The following EPM2A variants were observed in gnomAD, a reference collection of about 807,000 sequenced individuals.
EPM2A encodes the protein laforin.
Under a neutral mutation model 26.5 loss-of-function variants are expected in EPM2A, and 21 were observed. The observed-to-expected ratio is 0.79, with a 90% CI of 0.56 to 1.14. The LOEUF (loss-of-function observed/expected upper bound fraction) is 1.14, where lower values mean the gene tolerates loss of function less well. Among genes scored for constraint, EPM2A ranks in the 50% most tolerant of loss-of-function variants. The probability of loss-of-function intolerance (pLI) is 0.00; values close to 1 mark genes in which losing one functional copy is unlikely to be tolerated. For synonymous variants in EPM2A, 217 were observed against 177.6 expected (o/e 1.22, Z -1.76); for missense variants, 458 against 440.8 (o/e 1.04, Z -0.35).
chr6:145,633,838 T>C (rs1461559852), intron 3 of EPM2A: 1 of 152,208 alleles, frequency 6.6e-6, no homozygotes, highest in Non-Finnish European at 1.5e-5. Flanking sequence ...AGAAGCTTCA[T>C]AGCTGGTAAA....
At chr6:145,548,297 T>C (rs1780611662) in intron 2 of EPM2A, among the ~76,000 whole-genome samples, 1 of 152,130 alleles carries the variant, frequency 6.6e-6, no homozygotes, top group African/African-American at 2.4e-5. Context: ...TAGAGACTCA[T>C]GAGAAAATGT....
chr6:145,521,521 T>C (rs1032707845), intron 2 of EPM2A, among the ~76,000 whole-genome samples: 2 of 152,322 alleles, frequency 1.3e-5, no homozygotes, highest in African/African-American at 4.8e-5. Context: ...AGGTGAAGGA[T>C]TGAACTTAAC....
chr6:145,418,381 C>G (rs545221466), intron 4 of EPM2A, among the ~76,000 whole-genome samples: 5 of 152,168 alleles, frequency 3.3e-5, no homozygotes, highest in Non-Finnish European at 7.4e-5. Context: ...TGCTTCATCC[C>G]AACTGCTGGG....
At chr6:145,458,644 G>A (rs1299539446) in intron 4 of EPM2A, among the ~76,000 whole-genome samples, 1 of 151,896 alleles carries the variant, frequency 6.6e-6, no homozygotes, top group Admixed American at 6.6e-5. Flanking sequence ...TAGGAAATGG[G>A]AGTCATCTAA....
intron 2 of EPM2A, among the ~76,000 whole-genome samples, chr6:145,650,854 T>C (rs1048036942): frequency 2.6e-5 from 4 of 152,184 alleles, no homozygotes; most frequent in Admixed American, 6.5e-5. Flanking sequence ...AACCAGAATT[T>C]CTTAGGCACT....
intron 2 of EPM2A, among the ~76,000 whole-genome samples, chr6:145,551,661 A>G (rs997950588): frequency 2.6e-5 from 4 of 152,028 alleles, no homozygotes; most frequent in Admixed American, 1.3e-4. Flanking sequence ...GTCACTCAGA[A>G]GAGACTGGCA....
intron 2 of EPM2A, among the ~76,000 whole-genome samples, chr6:145,565,338 T>C (rs1261458967): frequency 6.6e-6 from 1 of 152,252 alleles, no homozygotes; most frequent in Admixed American, 6.5e-5. Flanking sequence ...CAGGCGCAAA[T>C]GAGAGGTTAC....
chr6:145,692,724 T>G (rs1214875773), intron 1 of EPM2A, among the ~76,000 whole-genome samples: 1 of 152,048 alleles, frequency 6.6e-6, no homozygotes, highest in African/African-American at 2.4e-5. Context: ...CAGATGGTTT[T>G]AGGTGTCTGG....
chr6:145,693,889 T>C (rs934952962), intron 1 of EPM2A, among the ~76,000 whole-genome samples: 6 of 151,894 alleles, frequency 4.0e-5, no homozygotes, highest in Non-Finnish European at 5.9e-5. Flanking sequence ...ACGAAGTGAG[T>C]AAATGTGTAG....
chr6:145,626,312 T>C lies in EPM2A; in HGVS notation c.*1104A>G. 4 of 986,300 alleles carry C rather than the reference T, an allele frequency of 4.1e-6. No homozygotes were observed. Among genetic ancestry groups the C allele is most frequent in the Non-Finnish European group, 4.8e-6 (4 of 830,314 alleles). The allele number at this position is 986,300 out of a possible 1,614,324, so 61.1% of individuals were successfully genotyped here. A position where few individuals can be genotyped will look rare whatever the true frequency, so the allele number is the denominator to read the frequency against. On this transcript the variant is annotated 3_prime_UTR_variant, in exon 4 of 4. Coordinates refer to ENST00000367519, the MANE Select transcript of EPM2A (RefSeq NM_005670.4). ...GAGGCACAGGAACTGCATATTATAC[T>C]AAATTGAGAGCTGAGCCAGGATGGC...
At chr6:145,525,589 C>G (rs752724215) in intron 2 of EPM2A, among the ~76,000 whole-genome samples, 1 of 151,974 alleles carries the variant, frequency 6.6e-6, no homozygotes, top group Non-Finnish European at 1.5e-5. Context: ...TGATTTGGCT[C>G]TCATCTTAAA....
intron 4 of EPM2A, among the ~76,000 whole-genome samples, chr6:145,471,208 G>A (rs532255926): frequency 6.6e-6 from 1 of 152,254 alleles, no homozygotes; most frequent in Admixed American, 6.5e-5. Context: ...TCTATTGATT[G>A]ATCAATATAT....
intron 2 of EPM2A, among the ~76,000 whole-genome samples, chr6:145,599,086 C>T (rs1035648820): frequency 2.6e-5 from 4 of 152,018 alleles, no homozygotes; most frequent in Admixed American, 6.6e-5. Flanking sequence ...CTTGGCTATT[C>T]GGGCTATTTT....
At position 145,626,114 on chromosome 6, in the gene EPM2A, C is replaced by G; in HGVS notation, c.*1302G>C. 4 of 1,032,884 alleles carry G rather than the reference C, an allele frequency of 3.9e-6. No individual in the cohort carries two copies. The highest frequency in any genetic ancestry group is 4.7e-6 in the Non-Finnish European group (4 of 859,570). The allele number at this position is 1,032,884 out of a possible 1,614,324, so 64.0% of individuals were successfully genotyped here. A position where few individuals can be genotyped will look rare whatever the true frequency, so the allele number is the denominator to read the frequency against. ...TTATATATCACCTTGCACATAGAGG[C>G]TCTCAATTAAAAAAACACTTCTCTT... On this transcript the variant is annotated 3_prime_UTR_variant, in exon 4 of 4. Coordinates refer to ENST00000367519, the MANE Select transcript of EPM2A (RefSeq NM_005670.4).
intron 2 of EPM2A, among the ~76,000 whole-genome samples, chr6:145,550,184 C>T (rs1183974848): frequency 2.6e-5 from 4 of 152,000 alleles, no homozygotes; most frequent in African/African-American, 9.7e-5. Flanking sequence ...CATCATTTGC[C>T]TAAAGATGGA....
chr6:145,575,944 T>C (rs1042610888), intron 2 of EPM2A, among the ~76,000 whole-genome samples: 3 of 152,344 alleles, frequency 2.0e-5, no homozygotes, highest in African/African-American at 7.2e-5. Flanking sequence ...CAAGTGATTA[T>C]CCTGCCTCAG....
At chr6:145,431,634 G>A (rs1486135081) in intron 4 of EPM2A, among the ~76,000 whole-genome samples, 2 of 152,300 alleles carry the variant, frequency 1.3e-5, no homozygotes, top group East Asian at 3.9e-4. Flanking sequence ...GCTTCAGCGA[G>A]TAGTAATCTT....
intron 1 of EPM2A, among the ~76,000 whole-genome samples, chr6:145,716,295 G>T (rs1775618042): frequency 6.6e-6 from 1 of 152,176 alleles, no homozygotes. Context: ...TCTATGGTAT[G>T]TGAATTACAT....
At chr6:145,706,628 C>A (rs1341678600) in intron 1 of EPM2A, among the ~76,000 whole-genome samples, 1 of 152,098 alleles carries the variant, frequency 6.6e-6, no homozygotes, top group Non-Finnish European at 1.5e-5. Context: ...CACTAAAAGA[C>A]CATGGCAGAC....
Sources: allele counts gnomAD v4.1 joint callset (sites outside exome capture counted in the v4.1 genomes callset), GRCh38; gene constraint gnomAD v4.1.1; transcripts MANE v1.5; gene names NCBI Gene and HGNC (gene_info 2026-07-23, HGNC 2026-07-21).